CADPS2: variants seen among roughly 807,000 people sequenced by gnomAD.
CADPS2 encodes calcium dependent secretion activator 2, also known as calcium-dependent secretion activator 2.
A neutral mutation model predicts 172.5 loss-of-function variants in CADPS2; 93 were observed. The observed-to-expected ratio is 0.54, with a 90% confidence interval of 0.46 to 0.64. The LOEUF is 0.64. CADPS2 is among the 30% of genes least tolerant of loss of function. CADPS2 has a pLI of 0.00. For missense variants in CADPS2, 1,420 were observed against 1,565.9 expected, an observed-to-expected ratio of 0.91 and a Z score of 1.57; for synonymous variants, 546 against 555.2, an observed-to-expected ratio of 0.98 and a Z score of 0.23.
At chr7:122,761,244 T>C (rs138242624) in intron 1 of CADPS2, among the ~76,000 whole-genome samples, 2 of 152,254 alleles carry the variant, frequency 1.3e-5, no homozygotes, top group East Asian at 3.9e-4. Context: ...AAGAATTAAG[T>C]GAACGTTTCC....
chr7:122,712,854 G>T (rs1428922697), intron 2 of CADPS2, among the ~76,000 whole-genome samples: 7 of 151,936 alleles, frequency 4.6e-5, no homozygotes, highest in African/African-American at 1.4e-4. Flanking sequence ...TCTCTCTCAA[G>T]CCTCTTTTAT....
intron 1 of CADPS2, among the ~76,000 whole-genome samples, chr7:122,786,162 T>C (rs1175624241): frequency 1.3e-5 from 2 of 152,254 alleles, no homozygotes; most frequent in Admixed American, 6.5e-5. Flanking sequence ...TTTATTTTCT[T>C]ATTTCTGGTC....
chr7:122,479,119 G>A (rs987184935), intron 12 of CADPS2, among the ~76,000 whole-genome samples: 1 of 152,100 alleles, frequency 6.6e-6, no homozygotes, highest in Non-Finnish European at 1.5e-5. Flanking sequence ...AGGTCACTCT[G>A]GTGTCTGGGA....
chr7:122,400,047 T>C (rs546140202), intron 20 of CADPS2, among the ~76,000 whole-genome samples: 53 of 152,066 alleles, frequency 3.5e-4, no homozygotes, highest in African/African-American at 1.1e-3. Context: ...AGAAACACAC[T>C]GGCATTTTAG....
intron 1 of CADPS2, among the ~76,000 whole-genome samples, chr7:122,872,884 C>A (rs183515595): frequency 6.6e-6 from 1 of 152,106 alleles, no homozygotes; most frequent in South Asian, 2.1e-4. Context: ...GGAATGTCCA[C>A]GGACTCACAA....
chr7:122,647,157 A>C (rs2078652347), intron 3 of CADPS2, among the ~76,000 whole-genome samples: 3 of 152,170 alleles, frequency 2.0e-5, no homozygotes, highest in Non-Finnish European at 2.9e-5. Flanking sequence ...AAAAAGGTGG[A>C]TAGCAGGGGG....
chr7:122,355,049 A>G (rs766487078), intron 27 of CADPS2, among the ~76,000 whole-genome samples: 14 of 151,778 alleles, frequency 9.2e-5, no homozygotes, highest in Non-Finnish European at 1.6e-4. Flanking sequence ...TTTTTTTTTC[A>G]TTCATAAAGT....
chr7:122,536,685 G>A (rs948371421), intron 8 of CADPS2, among the ~76,000 whole-genome samples: 17 of 152,038 alleles, frequency 1.1e-4, no homozygotes, highest in Non-Finnish European at 4.4e-5. Context: ...ATATGAATGG[G>A]ATGTCAAGGG....
intron 17 of CADPS2, chr7:122,421,950 C>T: frequency 6.6e-6 from 1 of 152,218 alleles, no homozygotes; most frequent in East Asian, 1.9e-4. Flanking sequence ...CCTCTTCCCC[C>T]TCCCATTCAG....
intron 1 of CADPS2, among the ~76,000 whole-genome samples, chr7:122,854,713 C>G (rs1017751168): frequency 2.6e-5 from 4 of 152,236 alleles, no homozygotes. Context: ...TGTGAGCAGC[C>G]AGCAAAAGCT....
At chr7:122,471,244 T>C in intron 14 of CADPS2, 131 bp downstream of exon 14, 1 of 602,186 alleles carries the variant, frequency 1.7e-6, no homozygotes, top group Non-Finnish European at 2.6e-6. Flanking sequence ...CTCTGTCGTT[T>C]TTTTTTTTTT....
chr7:122,645,488 G>GTATATTTAAGTATATATATACT lies in CADPS2; in HGVS notation c.787-16161_787-16160insAGTATATATATACTTAAATATA, dbSNP rs1554688073. ...GTGTATATATGTATATATATTTAGC[G>GTATATTTAAGTATATATATACT]TATATATATATAAGTATATATATAC... On this transcript the variant is annotated intron_variant, in intron 3 of 29. Coordinates refer to ENST00000449022, the MANE Select transcript of CADPS2 (RefSeq NM_017954.11). 2.6e-3 allele frequency among the ~76,000 whole-genome samples: 242 copies of GTATATTTAAGTATATATATACT among 94,194 alleles called. 6 individuals carry two copies. Among genetic ancestry groups the GTATATTTAAGTATATATATACT allele is most frequent in the Admixed American group, 0.024 (209 of 8,736 alleles). 61.8% of individuals were successfully genotyped at this position (94,194 alleles called of 152,430 possible). A position where few individuals can be genotyped will look rare whatever the true frequency, so the allele number is the denominator to read the frequency against.
At chr7:122,371,936 T>G (rs1213410879) in intron 25 of CADPS2, among the ~76,000 whole-genome samples, 1 of 152,202 alleles carries the variant, frequency 6.6e-6, no homozygotes, top group Non-Finnish European at 1.5e-5. Flanking sequence ...CTTGTAGAGA[T>G]GTACAGAAAG....
At chr7:122,853,732 T>C (rs1032855413) in intron 1 of CADPS2, among the ~76,000 whole-genome samples, 1 of 152,174 alleles carries the variant, frequency 6.6e-6, no homozygotes, top group African/African-American at 2.4e-5. Flanking sequence ...ATCCATAATA[T>C]TCATATCAAA....
At chr7:122,627,936 A>T (rs1205756516) in intron 4 of CADPS2, among the ~76,000 whole-genome samples, 1 of 152,140 alleles carries the variant, frequency 6.6e-6, no homozygotes, top group Non-Finnish European at 1.5e-5. Flanking sequence ...TCCACATTCA[A>T]ATCTCTAGAA....
At position 122,700,313 on chromosome 7, in the gene CADPS2, G is replaced by A. The variant is rs17682388; in HGVS notation, c.453+36642C>T. ...TTATGAAATGTAAATCTACAACATG[G>A]TAATTTGAGACAAGAAAGATGAAGG... On this transcript the variant is annotated intron_variant, in intron 2 of 29. Transcript: ENST00000449022. Among the ~76,000 whole-genome samples the A allele has an allele frequency of 5.3e-3, 800 of 152,258 alleles. 6 individuals carry two copies. The highest frequency in any genetic ancestry group is 7.7e-3 in the Non-Finnish European group (525 of 68,014).
intron 1 of CADPS2, among the ~76,000 whole-genome samples, chr7:122,871,672 C>T (rs963657822): frequency 9.2e-5 from 14 of 152,044 alleles, no homozygotes; most frequent in African/African-American, 3.1e-4. Flanking sequence ...CCTGGGTCAC[C>T]AATGTTAAGG....
Position 122,490,232 on chromosome 7 carries a change from A to G in CADPS2, c.1701T>C (p.Thr567=), listed in dbSNP as rs1346802232. The part of the protein sequence containing the change: ...MFFNAVKEGD[T]VIFASDDEQD... Reference sequence around the variant, plus strand: ...GTTCATCATCACTGGCAAAGATTACAGTATCTCCTTCTTTAACAGCATTAA... The same window carrying G: ...GTTCATCATCACTGGCAAAGATTACGGTATCTCCTTCTTTAACAGCATTAA... Residue 567 remains threonine (T), a synonymous_variant, in exon 11 of 30, where the codon ACT becomes ACC. Coordinates refer to ENST00000449022, the MANE Select transcript of CADPS2 (RefSeq NM_017954.11). The G allele has an allele frequency of 5.6e-6, 9 of 1,613,246 alleles. No homozygotes were observed. Among genetic ancestry groups the G allele is most frequent in the Non-Finnish European group, 7.6e-6 (9 of 1,179,558 alleles).
intron 6 of CADPS2, among the ~76,000 whole-genome samples, chr7:122,612,291 G>GTCTACATGT (rs2074392326): frequency 6.6e-6 from 1 of 151,900 alleles, no homozygotes; most frequent in African/African-American, 2.4e-5. Context: ...CTTGTACATA[G>GTCTACATGT]AAAAGTCTAC....
Sources: gnomAD v4.1 joint callset for allele counts (sites outside exome capture counted in the v4.1 genomes callset) on GRCh38, gnomAD v4.1.1 for gene constraint, MANE v1.5 for transcripts, NCBI Gene and HGNC (gene_info 2026-07-23, HGNC 2026-07-21) for gene names.